AGBL1: variants seen among roughly 807,000 people sequenced by gnomAD.
AGBL1 encodes cytosolic carboxypeptidase 4.
Under a neutral mutation model 118.9 loss-of-function variants are expected in AGBL1, and 130 were observed. That is an observed-to-expected ratio of 1.09 (90% CI 0.95 to 1.26). The LOEUF (loss-of-function observed/expected upper bound fraction) is 1.26. Among genes scored for constraint, AGBL1 ranks in the 50% most tolerant of loss-of-function variants. The probability of loss-of-function intolerance (pLI) is 0.00; values close to 1 mark genes in which losing one functional copy is unlikely to be tolerated. For synonymous variants in AGBL1, 555 were observed against 478.9 expected (o/e 1.16, Z -2.08); for missense variants, 1,584 against 1,298.1 (o/e 1.22, Z -3.38).
At chr15:86,925,889 C>G (rs957838012) in intron 23 of AGBL1, among the ~76,000 whole-genome samples, 1 of 151,828 alleles carries the variant, frequency 6.6e-6, no homozygotes, top group African/African-American at 2.4e-5. Flanking sequence ...CGCCACCATG[C>G]CCGGCTAATT....
chr15:86,231,103 T>C (rs1436594128), intron 6 of AGBL1, among the ~76,000 whole-genome samples: 2 of 152,238 alleles, frequency 1.3e-5, no homozygotes, highest in Admixed American at 1.3e-4. Context: ...TATGTTTATA[T>C]TTCAGAGAAC....
In AGBL1 at chr15:86,092,247, C is replaced by T. The variant is rs542046958; in HGVS notation, c.51+12224C>T. Among the ~76,000 whole-genome samples, 7 of 152,148 alleles carry T rather than the reference C, an allele frequency of 4.6e-5. No individual in the cohort carries two copies. In the South Asian group the frequency reaches 1.5e-3, roughly 32 times the overall value. On this transcript the variant is annotated intron_variant, in intron 1 of 22. Coordinates refer to ENST00000614907, the MANE Select transcript of AGBL1 (RefSeq NM_001386094.1). Reference sequence around the variant, plus strand: ...ACATTTGAATCTCAGAAGATTTGTCCACAACTAGATTGAGAACCTATGCCA... The same window carrying T: ...ACATTTGAATCTCAGAAGATTTGTCTACAACTAGATTGAGAACCTATGCCA...
At chr15:86,704,185 C>T (rs1362764469) in intron 22 of AGBL1, among the ~76,000 whole-genome samples, 1 of 152,040 alleles carries the variant, frequency 6.6e-6, no homozygotes, top group Non-Finnish European at 1.5e-5. Flanking sequence ...CCATAAAAAC[C>T]CTAGAAGAAA....
intron 22 of AGBL1, among the ~76,000 whole-genome samples, chr15:86,850,126 T>C (rs999492008): frequency 7.2e-5 from 11 of 152,206 alleles, no homozygotes; most frequent in Admixed American, 5.9e-4. Context: ...GAGAACTCTG[T>C]TCAGCTGTTT....
chr15:86,990,491 G>A (rs1488688018), intron 24 of AGBL1, among the ~76,000 whole-genome samples: 1 of 152,034 alleles, frequency 6.6e-6, no homozygotes, highest in African/African-American at 2.4e-5. Flanking sequence ...TCCAGCCTGG[G>A]CAACAGAGCA....
chr15:86,147,561 G>A (rs1016997021), intron 3 of AGBL1, among the ~76,000 whole-genome samples: 2 of 152,176 alleles, frequency 1.3e-5, no homozygotes, highest in African/African-American at 4.8e-5. Context: ...CTGGGGGAAG[G>A]GTGTCCGCCA....
At chr15:87,019,424 G>A (rs2081640149) in intron 24 of AGBL1, among the ~76,000 whole-genome samples, 2 of 151,944 alleles carry the variant, frequency 1.3e-5, no homozygotes, top group African/African-American at 2.4e-5. Context: ...CAAACAGTCT[G>A]TTAGACCACA....
intron 22 of AGBL1, among the ~76,000 whole-genome samples, chr15:86,704,925 A>G (rs1381142424): frequency 6.6e-6 from 1 of 152,166 alleles, no homozygotes; most frequent in African/African-American, 2.4e-5. Flanking sequence ...AATGTGGCAC[A>G]TATACACCAT....
intron 4 of AGBL1, among the ~76,000 whole-genome samples, chr15:86,157,905 T>C (rs1164716827): frequency 5.9e-5 from 9 of 152,234 alleles, no homozygotes. Context: ...CTTATTGTTA[T>C]CCTCTTCCAA....
intron 5 of AGBL1, among the ~76,000 whole-genome samples, chr15:86,172,889 G>A (rs2141758983): frequency 6.6e-6 from 1 of 152,168 alleles, no homozygotes; most frequent in East Asian, 1.9e-4. Context: ...TGGATTGCAT[G>A]ATAGTCCTAT....
intron 1 of AGBL1, among the ~76,000 whole-genome samples, chr15:86,132,150 G>A (rs1336120974): frequency 6.6e-6 from 1 of 152,124 alleles, no homozygotes; most frequent in Non-Finnish European, 1.5e-5. Context: ...GAAACGAGAG[G>A]CGCAAAGACA....
At chr15:86,718,528 T>A (rs1032730419) in intron 22 of AGBL1, among the ~76,000 whole-genome samples, 1 of 151,846 alleles carries the variant, frequency 6.6e-6, no homozygotes, top group African/African-American at 2.4e-5. Context: ...GAACTTGAAG[T>A]GTAATAATAA....
At chr15:86,429,148 G>T (rs1027771954) in intron 18 of AGBL1, among the ~76,000 whole-genome samples, 4 of 152,212 alleles carry the variant, frequency 2.6e-5, no homozygotes, top group African/African-American at 9.7e-5. Context: ...AGGACCTTAG[G>T]TCTAGAATAG....
chr15:86,241,428 G>A (rs4887421), intron 6 of AGBL1, among the ~76,000 whole-genome samples: 12,924 of 152,122 alleles, frequency 0.085, 898 homozygotes, highest in African/African-American at 0.18. Context: ...TACAGATGAT[G>A]GAAATTCAGT....
intron 21 of AGBL1, among the ~76,000 whole-genome samples, chr15:86,614,448 T>C (rs754509609): frequency 6.6e-6 from 1 of 152,244 alleles, no homozygotes; most frequent in Admixed American, 6.5e-5. Context: ...AGCATTTGTG[T>C]GGTCTGCTTT....
At chr15:86,761,448 A>T (rs1483924378) in intron 22 of AGBL1, among the ~76,000 whole-genome samples, 2 of 152,072 alleles carry the variant, frequency 1.3e-5, no homozygotes, top group African/African-American at 4.8e-5. Flanking sequence ...CCTGTATGAA[A>T]AATGCGGGAA....
intron 22 of AGBL1, among the ~76,000 whole-genome samples, chr15:86,749,601 G>A (rs1209814533): frequency 5.3e-5 from 8 of 152,094 alleles, no homozygotes; most frequent in Admixed American, 4.6e-4. Context: ...TTTACAAAGG[G>A]AATGCTTCCA....
intron 18 of AGBL1, among the ~76,000 whole-genome samples, chr15:86,522,419 A>G (rs928958768): frequency 6.6e-6 from 1 of 152,202 alleles, no homozygotes. Flanking sequence ...TGGAAATATC[A>G]TATGTAACAC....
intron 21 of AGBL1, among the ~76,000 whole-genome samples, chr15:86,639,599 C>T (rs556910762): frequency 3.9e-5 from 6 of 152,246 alleles, no homozygotes; most frequent in East Asian, 1.9e-4. Context: ...TGGGTTGCTC[C>T]GAAATTGCTC....
Sources: gnomAD v4.1 joint callset for allele counts (sites outside exome capture counted in the v4.1 genomes callset) on GRCh38, gnomAD v4.1.1 for gene constraint, MANE v1.5 for transcripts, NCBI Gene and HGNC (gene_info 2026-07-23, HGNC 2026-07-21) for gene names.